Variants in VPS54 observed in about 807,000 individuals in gnomAD.
The protein encoded by VPS54 is vacuolar protein sorting-associated protein 54.
In VPS54, 45 loss-of-function variants were observed where a neutral mutation model predicts 121.5. That is an observed-to-expected ratio of 0.37 (90% CI 0.29 to 0.47). The LOEUF (loss-of-function observed/expected upper bound fraction) is 0.47. VPS54 is among the 20% of genes least tolerant of loss of function. The pLI, the probability that VPS54 is intolerant of heterozygous loss-of-function variation, is 0.99. For synonymous variants in VPS54, 371 were observed against 385.8 expected (o/e 0.96, Z 0.45); for missense variants, 1,090 against 1,131.4 (o/e 0.96, Z 0.52).
intron 20 of VPS54, among the ~76,000 whole-genome samples, chr2:63,910,133 A>T (rs1461689715): frequency 6.6e-6 from 1 of 152,230 alleles, no homozygotes; most frequent in Non-Finnish European, 1.5e-5. Context: ...AGGCAAACCC[A>T]AACCAAACAC....
chr2:63,930,679 GA>G (rs1674148565), intron 12 of VPS54, among the ~76,000 whole-genome samples: 1 of 151,976 alleles, frequency 6.6e-6, no homozygotes, highest in Non-Finnish European at 1.5e-5. Flanking sequence ...TCAGGCAAGA[GA>G]AAAAAATAAA....
At chr2:63,917,045 T>C in intron 15 of VPS54, 82 bp from the exon 16 acceptor site, 2 of 1,396,414 alleles carry the variant, frequency 1.4e-6, no homozygotes, top group South Asian at 2.4e-5. Context: ...ATAATTCCTG[T>C]TTAAGGCCAA....
intron 7 of VPS54, among the ~76,000 whole-genome samples, chr2:63,961,782 C>G (rs1675782466): frequency 6.6e-6 from 1 of 152,138 alleles, no homozygotes; most frequent in African/African-American, 2.4e-5. Flanking sequence ...TCAACACTTT[C>G]AAAATGTTAA....
intron 8 of VPS54, among the ~76,000 whole-genome samples, chr2:63,948,204 C>T (rs1345727151): frequency 3.3e-5 from 5 of 152,074 alleles, no homozygotes; most frequent in Non-Finnish European, 5.9e-5. Flanking sequence ...CAACTGCTAA[C>T]ATCTACAAAA....
At chr2:63,910,077 C>G (rs557501779) in intron 20 of VPS54, among the ~76,000 whole-genome samples, 1 of 152,176 alleles carries the variant, frequency 6.6e-6, no homozygotes, top group East Asian at 1.9e-4. Flanking sequence ...TCATCCTTTC[C>G]TAAAATTATA....
At chr2:63,926,716 G>C (rs535633955) in intron 12 of VPS54, among the ~76,000 whole-genome samples, 2 of 152,334 alleles carry the variant, frequency 1.3e-5, no homozygotes, top group South Asian at 4.1e-4. Context: ...GGGGTCGGGG[G>C]ATTTCCCTTT....
chr2:63,917,550 C>A (rs1673441408), intron 15 of VPS54, among the ~76,000 whole-genome samples: 3 of 151,998 alleles, frequency 2.0e-5, no homozygotes, highest in African/African-American at 7.2e-5. Flanking sequence ...GAACAGTGGA[C>A]TGGATTTTAT....
intron 12 of VPS54, among the ~76,000 whole-genome samples, chr2:63,926,335 C>T (rs910223327): frequency 2.0e-5 from 3 of 152,172 alleles, no homozygotes; most frequent in Non-Finnish European, 2.9e-5. Context: ...AGACTGCACC[C>T]TAACTAGTAA....
intron 1 of VPS54, among the ~76,000 whole-genome samples, chr2:64,010,669 CTATT>C (rs1006078301): frequency 4.3e-5 from 6 of 140,726 alleles, no homozygotes; most frequent in African/African-American, 1.2e-4. Flanking sequence ...TACTTCTACA[CTATT>C]TATCATTTGA....
chr2:64,007,684 A>G (rs1678224640), intron 1 of VPS54, among the ~76,000 whole-genome samples: 1 of 152,236 alleles, frequency 6.6e-6, no homozygotes, highest in African/African-American at 2.4e-5. Flanking sequence ...TAGTCACAGG[A>G]AAGTGATATT....
intron 1 of VPS54, among the ~76,000 whole-genome samples, chr2:63,997,549 CT>C (rs1453132535): frequency 1.3e-5 from 2 of 152,106 alleles, no homozygotes; most frequent in Non-Finnish European, 2.9e-5. Context: ...TTAGCATCTC[CT>C]TTTTTCATCT....
In VPS54 at chr2:64,005,089, C is replaced by CTTTTTTTTTTTTTT. The variant is rs764515091; in HGVS notation, c.-21+13835_-21+13848dup. On this transcript the variant is annotated intron_variant, in intron 1 of 22. Coordinates refer to ENST00000272322, the MANE Select transcript of VPS54 (RefSeq NM_016516.3). Reference sequence around the variant, plus strand: ...TACCATGCCCAGTCTACTATTGCTTCTTTTTTTTTTTTTTTTTTTTTTTTT... The same window carrying CTTTTTTTTTTTTTT: ...TACCATGCCCAGTCTACTATTGCTTCTTTTTTTTTTTTTTTTTTTTTTTTTTTTTTTTTTTTTTT... Among the ~76,000 whole-genome samples the CTTTTTTTTTTTTTT allele has an allele frequency of 8.8e-4, 39 of 44,122 alleles. 10 individuals carry two copies. Among genetic ancestry groups the CTTTTTTTTTTTTTT allele is most frequent in the African/African-American group, 1.5e-3 (16 of 10,536 alleles). The allele number at this position is 44,122 out of a possible 152,430, so 28.9% of individuals were successfully genotyped here.
intron 22 of VPS54, among the ~76,000 whole-genome samples, chr2:63,896,764 AATTGAT>A (rs1247750878): frequency 3.3e-5 from 5 of 152,196 alleles, no homozygotes; most frequent in Non-Finnish European, 7.4e-5. Flanking sequence ...AACACTAAAG[AATTGAT>A]ATTAATACGT....
Position 63,961,951 on chromosome 2 carries a change from A to C in VPS54, c.1010+107T>G, listed in dbSNP as rs1223932963. The C allele has an allele frequency of 6.7e-6, 8 of 1,197,456 alleles. No individual in the cohort carries two copies. In the East Asian group the frequency reaches 1.7e-4, roughly 26 times the overall value. 74.2% of individuals were successfully genotyped at this position (1,197,456 alleles called of 1,614,324 possible). Reference sequence around the variant, plus strand: ...AACAAATGATCAATCTGGAAGAAAAAATATCCATTTAACTTTGAATATATT... The same window carrying C: ...AACAAATGATCAATCTGGAAGAAAACATATCCATTTAACTTTGAATATATT... On this transcript the variant is annotated intron_variant, in intron 7 of 22. Transcript: ENST00000272322.
At chr2:63,970,812 C>G (rs1176484855) in intron 4 of VPS54, among the ~76,000 whole-genome samples, 1 of 152,148 alleles carries the variant, frequency 6.6e-6, no homozygotes, top group African/African-American at 2.4e-5. Context: ...TGCTCCATCA[C>G]CAGTCGTTTT....
intron 1 of VPS54, among the ~76,000 whole-genome samples, chr2:63,992,820 T>C (rs1041466411): frequency 2.6e-5 from 4 of 152,238 alleles, no homozygotes; most frequent in Non-Finnish European, 5.9e-5. Context: ...TATTGATTTT[T>C]TTATATTGCT....
chr2:63,997,174 T>G (rs1282581817), intron 1 of VPS54, among the ~76,000 whole-genome samples: 1 of 152,202 alleles, frequency 6.6e-6, no homozygotes, highest in Admixed American at 6.5e-5. Flanking sequence ...CGTTTTCTGA[T>G]GCGTCTTTGT....
At chr2:63,987,945 A>G (rs1414259410) in intron 1 of VPS54, among the ~76,000 whole-genome samples, 2 of 152,224 alleles carry the variant, frequency 1.3e-5, no homozygotes, top group Non-Finnish European at 2.9e-5. Context: ...TTATCCAAAC[A>G]TAAGATCATA....
In VPS54 at chr2:63,913,939, C is replaced by T. The variant is rs755451665; in HGVS notation, c.2334+243G>A. 3.8e-5 allele frequency: 49 copies of T among 1,291,868 alleles called. No homozygotes were observed. In the African/African-American group the frequency reaches 6.7e-4, roughly 18 times the overall value. The allele number at this position is 1,291,868 out of a possible 1,614,324, so 80.0% of individuals were successfully genotyped here. A position where few individuals can be genotyped will look rare whatever the true frequency, so the allele number is the denominator to read the frequency against. On this transcript the variant is annotated intron_variant, in intron 17 of 22. Transcript: ENST00000272322. ...CATGTTCAGCACCTAACGAACAAAT[C>T]ATCTCCTGTCTCCAATGTCATTAAC... is the stretch of plus-strand genomic sequence containing the variant.
Sources: gnomAD v4.1 joint callset for allele counts (sites outside exome capture counted in the v4.1 genomes callset) on GRCh38, gnomAD v4.1.1 for gene constraint, MANE v1.5 for transcripts, NCBI Gene and HGNC (gene_info 2026-07-23, HGNC 2026-07-21) for gene names.